Variants in ACACB observed in about 807,000 individuals in gnomAD.
ACACB encodes acetyl-CoA carboxylase 2.
Under a neutral mutation model 278.8 loss-of-function variants are expected in ACACB, and 209 were observed. The ratio of observed to expected loss-of-function variants is 0.75; its 90% confidence interval spans 0.67 to 0.84. The LOEUF (loss-of-function observed/expected upper bound fraction) is 0.84, where lower values mean the gene tolerates loss of function less well. ACACB is among the 40% of genes least tolerant of loss of function. The pLI is 0.00. For synonymous variants in ACACB, 1,174 were observed against 1,285.6 expected (o/e 0.91, Z 1.86); for missense variants, 2,850 against 3,269.0 (o/e 0.87, Z 3.13).
At position 109,166,993 on chromosome 12, in the gene ACACB, G is replaced by A; in HGVS notation, c.786G>A (p.Lys262=). 1 of 1,614,004 alleles carries A rather than the reference G, an allele frequency of 6.2e-7. No homozygotes were observed. The highest frequency in any genetic ancestry group is 8.5e-7 in the Non-Finnish European group (1 of 1,179,990). Reference sequence around the variant, plus strand: ...TTGGGGGGGATCGGGTCATCGAGAAGGTACAGATGGGTCTCGGCACTCTGG... The same window carrying A: ...TTGGGGGGGATCGGGTCATCGAGAAAGTACAGATGGGTCTCGGCACTCTGG... ...TRFGGDRVIE[K]VLIANNGIAA... The change falls in exon 3 of 53, where the codon AAG becomes AAA. Residue 262 remains lysine (K), a splice_region_variant and synonymous_variant. Transcript: ENST00000338432.
intron 2 of ACACB, among the ~76,000 whole-genome samples, chr12:109,163,059 G>A (rs952920347): frequency 6.6e-6 from 1 of 152,178 alleles, no homozygotes; most frequent in Non-Finnish European, 1.5e-5. Flanking sequence ...ATGTAGGGGG[G>A]ATTACAGGTG....
At chr12:109,122,572 C>CAAAAAAAAAAAAAAAAAAAA (rs59516728) in intron 1 of ACACB, among the ~76,000 whole-genome samples, 1 of 61,836 alleles carries the variant, frequency 1.6e-5, no homozygotes, top group Non-Finnish European at 3.1e-5. Flanking sequence ...GACATTGTCT[C>CAAAAAAAAAAAAAAAAAAAA]AAAAAAAAAA....
chr12:109,199,400 A>C lies in ACACB; in HGVS notation c.2628-2A>C. 3 of 1,481,834 alleles carry C rather than the reference A, an allele frequency of 2.0e-6. No individual in the cohort carries two copies. The highest frequency in any genetic ancestry group is 2.7e-6 in the Non-Finnish European group (3 of 1,110,994). The allele number at this position is 1,481,834 out of a possible 1,614,324, so 91.8% of individuals were successfully genotyped here. A position where few individuals can be genotyped will look rare whatever the true frequency, so the allele number is the denominator to read the frequency against. On this transcript the variant is annotated splice_acceptor_variant, in intron 17 of 52. Coordinates refer to ENST00000338432, the MANE Select transcript of ACACB (RefSeq NM_001093.4). LOFTEE classifies it high-confidence loss of function. ...CCCTACCCGACTCCTCCTCTCTCCC[A>C]GTTACCGAATTACCATCGGCAATAA...
intron 21 of ACACB, among the ~76,000 whole-genome samples, chr12:109,210,554 T>C (rs34400478): frequency 0.16 from 23,933 of 147,644 alleles, 2,488 homozygotes; most frequent in East Asian, 0.31. Flanking sequence ...CATGTATATA[T>C]ACATATATAC....
chr12:109,255,136 ACACATG>A (rs1029739545), intron 44 of ACACB, among the ~76,000 whole-genome samples: 5 of 152,132 alleles, frequency 3.3e-5, no homozygotes, highest in African/African-American at 9.7e-5. Flanking sequence ...ACACGTGAAC[ACACATG>A]CACATGCACA....
chr12:109,206,933 T>C (rs2045536710), intron 20 of ACACB, 77 bp downstream of exon 20: 1 of 1,503,936 alleles, frequency 6.6e-7, no homozygotes, highest in Admixed American at 1.9e-5. Flanking sequence ...GCAGAGGTCA[T>C]TATTGAGTAA....
chr12:109,245,818 G>A (rs552666393), intron 38 of ACACB, 70 bp downstream of exon 38: 12 of 1,572,622 alleles, frequency 7.6e-6, no homozygotes, highest in Admixed American at 1.8e-5. Context: ...GCCAGGTGCA[G>A]TAGCTCACAC....
intron 15 of ACACB, among the ~76,000 whole-genome samples, 170 bp from the exon 16 acceptor site, chr12:109,193,478 A>G (rs907140700): frequency 6.6e-6 from 1 of 152,166 alleles, no homozygotes; most frequent in Non-Finnish European, 1.5e-5. Context: ...TCAGCCTCCC[A>G]AGGTGCAGGG....
intron 22 of ACACB, among the ~76,000 whole-genome samples, chr12:109,213,253 G>A (rs748788022): frequency 3.2e-4 from 49 of 152,066 alleles, no homozygotes; most frequent in Admixed American, 1.6e-3. Flanking sequence ...TAGTAGAGAC[G>A]GTGTTTCACC....
intron 22 of ACACB, 134 bp from the exon 23 acceptor site, chr12:109,216,484 T>G: frequency 1.2e-6 from 1 of 839,720 alleles, no homozygotes; most frequent in Non-Finnish European, 1.8e-6. Flanking sequence ...CCTCCCAAAG[T>G]GCTGGGATTA....
chr12:109,209,870 T>A (rs1331545726), intron 21 of ACACB, among the ~76,000 whole-genome samples: 1 of 127,988 alleles, frequency 7.8e-6, no homozygotes, highest in Non-Finnish European at 1.7e-5. Flanking sequence ...TATACACACA[T>A]ACACACACGT....
intron 28 of ACACB, among the ~76,000 whole-genome samples, chr12:109,230,660 G>A (rs2046442563): frequency 6.6e-6 from 1 of 152,162 alleles, no homozygotes; most frequent in Non-Finnish European, 1.5e-5. Flanking sequence ...GAACTCCTGG[G>A]TTCAAGTGAT....
chr12:109,154,678 T>C (rs11610260), intron 2 of ACACB: 28,185 of 152,026 alleles, frequency 0.19, 2,808 homozygotes, highest in East Asian at 0.25. Context: ...GCGCGCAGGG[T>C]GCATTTCGGG....
At chr12:109,164,357 C>T (rs2043830774) in intron 2 of ACACB, among the ~76,000 whole-genome samples, 2 of 152,082 alleles carry the variant, frequency 1.3e-5, no homozygotes, top group African/African-American at 4.8e-5. Context: ...CTCAGTCTCC[C>T]AAGTAGCTGG....
rs146428491 is a variant in ACACB at position 109,266,741 on chromosome 12, C to G, written c.*379C>G. ...CATCGTGAAATCTTTTATTTTTTTA[C>G]TCTGAGACCAGCACCAGATGTAAGT... On this transcript the variant is annotated 3_prime_UTR_variant, in exon 53 of 53. Coordinates refer to ENST00000338432, the MANE Select transcript of ACACB (RefSeq NM_001093.4). 2.8e-4 allele frequency: 43 copies of G among 155,984 alleles called. No homozygotes were observed. Among genetic ancestry groups the G allele is most frequent in the African/African-American group, 1.0e-3 (42 of 41,594 alleles). 9.7% of individuals were successfully genotyped at this position (155,984 alleles called of 1,614,324 possible).
Position 109,174,234 on chromosome 12 carries a change from AG to A in ACACB, c.1216+7del, listed in dbSNP as rs753090405. Reference sequence around the variant, plus strand: ...ACCCTGCCCTGGAGTGGAAGCGGTAAGGGACCCCGAGCTTCCCTCTGGGGGA... The same window carrying A: ...ACCCTGCCCTGGAGTGGAAGCGGTAAGGACCCCGAGCTTCCCTCTGGGGGA... On this transcript the variant is annotated splice_donor_5th_base_variant and intron_variant, in intron 7 of 52. Coordinates refer to ENST00000338432, the MANE Select transcript of ACACB (RefSeq NM_001093.4). The A allele has an allele frequency of 2.5e-6, 4 of 1,606,366 alleles. No individual in the cohort carries two copies. Among genetic ancestry groups the A allele is most frequent in the Admixed American group, 3.4e-5 (2 of 59,044 alleles).
intron 2 of ACACB, among the ~76,000 whole-genome samples, chr12:109,164,233 T>C (rs530247535): frequency 1.9e-4 from 29 of 152,286 alleles, no homozygotes; most frequent in African/African-American, 6.7e-4. Context: ...TTTTCCTTCC[T>C]GAAATTTCTT....
chr12:109,144,456 G>A (rs574421467), intron 2 of ACACB, among the ~76,000 whole-genome samples: 2 of 152,222 alleles, frequency 1.3e-5, no homozygotes, highest in East Asian at 1.9e-4. Context: ...ATACAGGCAG[G>A]GTAGTAATAC....
At position 109,222,545 on chromosome 12, in the gene ACACB, G is replaced by A; in HGVS notation, c.3603G>A (p.Glu1201=). The stretch of plus-strand genomic sequence containing the variant: ...GCCCAGACCCTTCCCTGTCGGACGA[G>A]CTGATCTCCATCCTCAACGAGCTCA... The part of the protein sequence containing the change: ...LCGPDPSLSD[E]LISILNELTQ... Residue 1201 remains glutamate, a synonymous_variant, in exon 25 of 53, where the codon GAG becomes GAA. Transcript: ENST00000338432. 1 of 1,614,176 alleles carries A rather than the reference G, an allele frequency of 6.2e-7. No homozygotes were observed. Among genetic ancestry groups the A allele is most frequent in the Non-Finnish European group, 8.5e-7 (1 of 1,180,032 alleles).
Sources: allele counts gnomAD v4.1 joint callset (sites outside exome capture counted in the v4.1 genomes callset), GRCh38; gene constraint gnomAD v4.1.1; transcripts MANE v1.5; gene names NCBI Gene and HGNC (gene_info 2026-07-23, HGNC 2026-07-21).